VPS13A: variants seen among roughly 807,000 people sequenced by gnomAD.
VPS13A encodes vacuolar protein sorting 13 homolog A.
VPS13A carries 264 observed loss-of-function variants against 390.9 expected under a neutral mutation model. The ratio of observed to expected loss-of-function variants is 0.68; its 90% CI spans 0.61 to 0.75. The LOEUF (loss-of-function observed/expected upper bound fraction) is 0.75, where lower values mean the gene tolerates loss of function less well. Ranked by LOEUF, VPS13A falls within the 30% of genes least tolerant of loss-of-function variation. VPS13A has a pLI of 0.00. For synonymous variants in VPS13A, 1,231 were observed against 1,227.1 expected (o/e 1.00, Z -0.07); for missense variants, 3,409 against 3,733.9 (o/e 0.91, Z 2.27).
chr9:77,370,461 G>A lies in VPS13A; in HGVS notation c.8790G>A (p.Lys2930=). The part of the protein sequence containing the change: ...AASKITGAMA[K]GVAAMTMDED... ...CCAAAATCACCGGTGCTATGGCTAA[G>A]GGGGTAGCAGCTATGACCATGGATG... is the stretch of plus-strand genomic sequence containing the variant. Residue 2930 remains lysine (K), a synonymous_variant, in exon 65 of 72, where the codon AAG becomes AAA. Coordinates refer to ENST00000360280, the MANE Select transcript of VPS13A (RefSeq NM_033305.3). 1 of 1,614,164 alleles carries A rather than the reference G, an allele frequency of 6.2e-7. No individual in the cohort carries two copies. The highest frequency in any genetic ancestry group is 8.5e-7 in the Non-Finnish European group (1 of 1,180,026).
intron 59 of VPS13A, 128 bp downstream of exon 59, chr9:77,360,769 TGTG>T (rs1456438433): frequency 2.5e-5 from 18 of 713,962 alleles, no homozygotes; most frequent in Non-Finnish European, 3.8e-5. Flanking sequence ...ATTACTCTCT[TGTG>T]GTACATACCT....
intron 1 of VPS13A, among the ~76,000 whole-genome samples, chr9:77,194,230 G>T (rs1824853735): frequency 2.0e-5 from 3 of 152,098 alleles, no homozygotes; most frequent in Admixed American, 2.0e-4. Flanking sequence ...CTCTCTGGTG[G>T]TTACCTGGGG....
chr9:77,391,853 C>T (rs1015936701), intron 68 of VPS13A, among the ~76,000 whole-genome samples: 1 of 151,942 alleles, frequency 6.6e-6, no homozygotes, highest in Non-Finnish European at 1.5e-5. Context: ...TATATGAATA[C>T]AAAGAAAAGA....
Position 77,321,131 on chromosome 9 carries a change from A to AG in VPS13A, c.5416-37dup, listed in dbSNP as rs1343713664. 8 of 1,577,332 alleles carry AG rather than the reference A, an allele frequency of 5.1e-6. No individual in the cohort carries two copies. In the East Asian group the frequency reaches 1.6e-4, roughly 31 times the overall value. On this transcript the variant is annotated intron_variant, in intron 42 of 71. Transcript: ENST00000360280. ...ATTTGTCTAGTTATGTTGTGTTCTT[A>AG]GAATTTTTCCTTATATTTCTATGAT...
Position 77,420,785 on chromosome 9 carries a change from A to T in VPS13A, c.*4779A>T, listed in dbSNP as rs1033100255. The T allele has an allele frequency of 3.3e-5, 5 of 152,226 alleles. No homozygotes were observed. The highest frequency in any genetic ancestry group is 7.3e-5 in the Non-Finnish European group (5 of 68,034). 9.4% of individuals were successfully genotyped at this position (152,226 alleles called of 1,614,324 possible). On this transcript the variant is annotated 3_prime_UTR_variant, in exon 72 of 72. Coordinates refer to ENST00000360280, the MANE Select transcript of VPS13A (RefSeq NM_033305.3). ...TGAGATATCAAATAATCAGAAGTATAATTAAAATAGAACATGTTGGAAAAT... is the reference window on the plus strand; with the variant it reads ...TGAGATATCAAATAATCAGAAGTATTATTAAAATAGAACATGTTGGAAAAT...
At chr9:77,238,958 TA>T (rs1291759036) in intron 19 of VPS13A, among the ~76,000 whole-genome samples, 45 of 151,854 alleles carry the variant, frequency 3.0e-4, no homozygotes, top group Admixed American at 2.5e-3. Context: ...TGTATGATAT[TA>T]AAAAAAATGT....
chr9:77,316,507 T>C, intron 39 of VPS13A, 101 bp downstream of exon 39: 3 of 964,988 alleles, frequency 3.1e-6, no homozygotes, highest in Non-Finnish European at 4.9e-6. Context: ...CCAACCTTGC[T>C]CTGTAAAATG....
chr9:77,198,610 A>C lies in VPS13A; in HGVS notation c.101-1335A>C, dbSNP rs538110993. On this transcript the variant is annotated intron_variant, in intron 1 of 71. Transcript: ENST00000360280. ...TGACCTATGAGTGTCCTTAGAGCCA[A>C]AGTGAGTTTCTTGTAGACCACGTAC... Among the ~76,000 whole-genome samples, 4 of 152,206 alleles carry C rather than the reference A, an allele frequency of 2.6e-5. No individual in the cohort carries two copies. In the South Asian group the frequency reaches 8.3e-4, roughly 32 times the overall value.
chr9:77,386,216 G>A (rs996587076), intron 68 of VPS13A, among the ~76,000 whole-genome samples: 1 of 152,036 alleles, frequency 6.6e-6, no homozygotes, highest in African/African-American at 2.4e-5. Context: ...CTCACCCTTG[G>A]CCAAAATCAA....
rs757800423 is a variant in VPS13A, at chr9:77,237,997, T to C, written c.1596-5T>C. On this transcript the variant is annotated splice_polypyrimidine_tract_variant and splice_region_variant and intron_variant, in intron 17 of 71. Transcript: ENST00000360280. ...GCTGACTTTTTTCTTTTTTTTTTAA[T>C]GCAGATTTGAAACTAAAATAGATTC... The C allele has an allele frequency of 3.8e-6, 6 of 1,584,682 alleles. No homozygotes were observed. In the African/African-American group the frequency reaches 5.4e-5, roughly 14 times the overall value.
intron 1 of VPS13A, among the ~76,000 whole-genome samples, chr9:77,180,367 C>T (rs1023568320): frequency 4.6e-5 from 7 of 152,198 alleles, no homozygotes; most frequent in African/African-American, 1.4e-4. Context: ...ACAATTTCTT[C>T]ATCAGATATG....
At chr9:77,190,070 C>T (rs1309494983) in intron 1 of VPS13A, among the ~76,000 whole-genome samples, 2 of 152,156 alleles carry the variant, frequency 1.3e-5, no homozygotes, top group Non-Finnish European at 1.5e-5. Flanking sequence ...TTCCTCTCTT[C>T]CTATTTGGAT....
At chr9:77,384,792 T>C (rs1337012929) in intron 68 of VPS13A, 14 of 1,501,170 alleles carry the variant, frequency 9.3e-6, no homozygotes, top group Admixed American at 2.2e-5. Context: ...ACATTTTCTT[T>C]TAAAATGTTT....
At chr9:77,250,070 G>C in intron 20 of VPS13A, 27 bp from the exon 21 acceptor site, 5 of 1,612,070 alleles carry the variant, frequency 3.1e-6, no homozygotes, top group Non-Finnish European at 4.2e-6. Context: ...ATTTTGCATA[G>C]TCTAAACTAT....
chr9:77,317,804 G>A (rs2131437901), intron 40 of VPS13A, 106 bp downstream of exon 40: 1 of 737,916 alleles, frequency 1.4e-6, no homozygotes. Flanking sequence ...AACAAAATAG[G>A]TGTGTTTTTG....
At chr9:77,219,293 T>A (rs184133324) in intron 10 of VPS13A, among the ~76,000 whole-genome samples, 2 of 152,304 alleles carry the variant, frequency 1.3e-5, no homozygotes, top group East Asian at 3.9e-4. Context: ...ATATCAATGA[T>A]TAAAATAAAA....
chr9:77,207,237 A>ATATATATATATATC (rs1825708422), intron 5 of VPS13A, among the ~76,000 whole-genome samples: 7 of 79,524 alleles, frequency 8.8e-5, no homozygotes, highest in Non-Finnish European at 1.1e-4. Flanking sequence ...ATATATATAT[A>ATATATATATATATC]TATATATATA....
At position 77,318,233 on chromosome 9, in the gene VPS13A, A is replaced by G; in HGVS notation, c.4957-2A>G. ...TAGACTTATTAATTTTTTTCCATTT[A>G]GGTTTCACCAGTTATTATAAATACT... On this transcript the variant is annotated splice_acceptor_variant, in intron 40 of 71. Transcript: ENST00000360280. LOFTEE classifies it high-confidence loss of function. 6.4e-7 allele frequency: 1 copy of G among 1,572,212 alleles called. No individual in the cohort carries two copies. The highest frequency in any genetic ancestry group is 1.8e-5 in the Admixed American group (1 of 54,924).
At chr9:77,296,691 T>A (rs955936904) in intron 33 of VPS13A, among the ~76,000 whole-genome samples, 3 of 152,210 alleles carry the variant, frequency 2.0e-5, no homozygotes, top group Non-Finnish European at 4.4e-5. Flanking sequence ...TACCATTTTA[T>A]AAGTTTTGAT....
Sources: gnomAD v4.1 joint callset for allele counts (sites outside exome capture counted in the v4.1 genomes callset) on GRCh38, gnomAD v4.1.1 for gene constraint, MANE v1.5 for transcripts, NCBI Gene and HGNC (gene_info 2026-07-23, HGNC 2026-07-21) for gene names.